PPP1R16B: variants seen among roughly 807,000 people sequenced by gnomAD.
The protein encoded by PPP1R16B is protein phosphatase 1 regulatory subunit 16B, also known as protein phosphatase 1 regulatory inhibitor subunit 16B.
PPP1R16B carries 14 observed loss-of-function variants against 61.7 expected under a neutral mutation model. The ratio of observed to expected loss-of-function variants is 0.23; its 90% CI spans 0.15 to 0.35. The LOEUF is 0.35. PPP1R16B is among the 10% of genes least tolerant of loss of function. PPP1R16B has a pLI of 1.00. For synonymous variants in PPP1R16B, 266 were observed against 305.3 expected, an observed-to-expected ratio of 0.87 and a Z score of 1.34; for missense variants, 547 against 752.5, an observed-to-expected ratio of 0.73 and a Z score of 3.19.
At chr20:38,825,042 T>C (rs2084797188) in intron 1 of PPP1R16B, among the ~76,000 whole-genome samples, 2 of 152,258 alleles carry the variant, frequency 1.3e-5, no homozygotes, top group Non-Finnish European at 2.9e-5. Flanking sequence ...AGAATATCCC[T>C]GGCTAAAGGG....
At chr20:38,882,179 C>G (rs398230) in intron 2 of PPP1R16B, among the ~76,000 whole-genome samples, 1 of 152,176 alleles carries the variant, frequency 6.6e-6, no homozygotes, top group South Asian at 2.1e-4. Flanking sequence ...AGCAAGGGCA[C>G]AGGGCAGAGA....
At chr20:38,873,692 C>G (rs1337322611) in intron 2 of PPP1R16B, among the ~76,000 whole-genome samples, 2 of 152,006 alleles carry the variant, frequency 1.3e-5, no homozygotes, top group Non-Finnish European at 2.9e-5. Context: ...GCTGGCTTTC[C>G]CAGAACAGGT....
At position 38,889,758 on chromosome 20, in the gene PPP1R16B, G is replaced by C. The variant is rs891171520; in HGVS notation, c.321+93G>C. The C allele has an allele frequency of 8.3e-6, 11 of 1,317,864 alleles. No individual in the cohort carries two copies. The African/African-American group carries it at 1.5e-4, about 17-fold the overall frequency. The allele number at this position is 1,317,864 out of a possible 1,614,324, so 81.6% of individuals were successfully genotyped here. On this transcript the variant is annotated intron_variant, in intron 3 of 10. Coordinates refer to ENST00000299824, the MANE Select transcript of PPP1R16B (RefSeq NM_015568.4). ...GCACTTTCCTGCTCAGAACCCTCAG[G>C]GAGGAGGGAATGAGGGAGGGAGGAG...
intron 2 of PPP1R16B, among the ~76,000 whole-genome samples, chr20:38,847,537 A>G (rs2084942860): frequency 6.6e-6 from 1 of 152,118 alleles, no homozygotes; most frequent in South Asian, 2.1e-4. Context: ...TTGTATTTTT[A>G]GTAGAGATGG....
chr20:38,914,319 G>A lies in PPP1R16B; in HGVS notation c.1195-3838G>A, dbSNP rs747786413. The stretch of plus-strand genomic sequence containing the variant: ...TAGGAAAAGGAGGGGTCGTCTGAGC[G>A]TTCTGGAAATCCTATGGGGAAGGGT... On this transcript the variant is annotated intron_variant, in intron 10 of 10. Coordinates refer to ENST00000299824, the MANE Select transcript of PPP1R16B (RefSeq NM_015568.4). 3.4e-4 allele frequency among the ~76,000 whole-genome samples: 51 copies of A among 152,172 alleles called. 1 individual carries two copies. The highest frequency in any genetic ancestry group is 1.9e-4 in the East Asian group (1 of 5,194).
intron 2 of PPP1R16B, among the ~76,000 whole-genome samples, chr20:38,853,600 G>T (rs2084983494): frequency 6.6e-6 from 1 of 152,242 alleles, no homozygotes; most frequent in Non-Finnish European, 1.5e-5. Flanking sequence ...TCAAGAGCTA[G>T]ACTGTAATCA....
At chr20:38,883,518 G>T (rs1308556219) in intron 2 of PPP1R16B, among the ~76,000 whole-genome samples, 4 of 152,268 alleles carry the variant, frequency 2.6e-5, no homozygotes, top group Admixed American at 2.0e-4. Flanking sequence ...GAGCAGCGGG[G>T]TCGGCGCCAG....
In PPP1R16B at chr20:38,852,747, CTTTTTTTTTTT is replaced by C. The variant is rs1185726609; in HGVS notation, c.250+16583_250+16593del. 8.9e-4 allele frequency among the ~76,000 whole-genome samples: 28 copies of C among 31,520 alleles called. 1 individual carries two copies. The East Asian group carries it at 0.028, about 31-fold the overall frequency. 20.7% of individuals were successfully genotyped at this position (31,520 alleles called of 152,430 possible). A position where few individuals can be genotyped will look rare whatever the true frequency, so the allele number is the denominator to read the frequency against. ...CTTGGCTTCTAGGGACCACTGTTTC[CTTTTTTTTTTT>C]TTTTTTTTTTGCGGGGGGTGGGGGT... On this transcript the variant is annotated intron_variant, in intron 2 of 10. Transcript: ENST00000299824.
Position 38,918,312 on chromosome 20 carries a change from G to T in PPP1R16B, c.1350G>T (p.Val450=), listed in dbSNP as rs760033900. The part of the protein sequence containing the change: ...ANGDVWKVHE[V]PDYSMAYGNP... ...GGGATGTCTGGAAGGTGCATGAGGTGCCTGACTACAGCATGGCCTATGGCA... is the reference window on the plus strand; with the variant it reads ...GGGATGTCTGGAAGGTGCATGAGGTTCCTGACTACAGCATGGCCTATGGCA... Residue 450 remains valine (V), a synonymous_variant, in exon 11 of 11, where the codon GTG becomes GTT. Transcript: ENST00000299824. The surrounding 1 kb of genome is among the most constrained non-coding windows in gnomAD (Gnocchi z 5.3). 1.2e-6 allele frequency: 2 copies of T among 1,614,202 alleles called. No individual in the cohort carries two copies. Among genetic ancestry groups the T allele is most frequent in the South Asian group, 1.1e-5 (1 of 91,092 alleles).
At chr20:38,843,767 C>CA (rs200109402) in intron 2 of PPP1R16B, among the ~76,000 whole-genome samples, 3,867 of 144,876 alleles carry the variant, frequency 0.027, 85 homozygotes, top group Admixed American at 0.072. Context: ...TTTTTCAAAA[C>CA]AAAAAAAAAA....
intron 1 of PPP1R16B, among the ~76,000 whole-genome samples, chr20:38,829,665 C>T (rs1367320474): frequency 1.3e-5 from 2 of 152,248 alleles, no homozygotes; most frequent in African/African-American, 4.8e-5. Flanking sequence ...ACAAGGAGGA[C>T]AGTCTGCAGC....
At chr20:38,855,288 A>G (rs957737755) in intron 2 of PPP1R16B, among the ~76,000 whole-genome samples, 5 of 151,808 alleles carry the variant, frequency 3.3e-5, no homozygotes, top group African/African-American at 1.2e-4. Flanking sequence ...CTTTGGAGGG[A>G]CCCTAATTAA....
intron 5 of PPP1R16B, among the ~76,000 whole-genome samples, chr20:38,901,916 C>G (rs1252579243): frequency 6.6e-6 from 1 of 152,180 alleles, no homozygotes; most frequent in Non-Finnish European, 1.5e-5. Flanking sequence ...GTGGGTTTTG[C>G]TTACATTCTA....
intron 2 of PPP1R16B, among the ~76,000 whole-genome samples, chr20:38,861,594 C>G (rs113692895): frequency 1.2e-4 from 18 of 152,152 alleles, no homozygotes; most frequent in African/African-American, 3.4e-4. Context: ...TCTTCCCCCC[C>G]ACCCTTCAGC....
At chr20:38,901,669 C>T (rs2085394978) in intron 5 of PPP1R16B, among the ~76,000 whole-genome samples, 1 of 152,202 alleles carries the variant, frequency 6.6e-6, no homozygotes, top group African/African-American at 2.4e-5. Flanking sequence ...CTCAGCCTCC[C>T]AAATTTCTGG....
At chr20:38,913,285 A>T (rs1482494443) in intron 10 of PPP1R16B, among the ~76,000 whole-genome samples, 1 of 151,016 alleles carries the variant, frequency 6.6e-6, no homozygotes, top group Non-Finnish European at 1.5e-5. Flanking sequence ...TTTTTTTTAG[A>T]TGGAATCTTG....
rs73112085 is a variant in PPP1R16B at position 38,827,312 on chromosome 20, C to T, written c.-101-8513C>T. Among the ~76,000 whole-genome samples, 329 of 152,306 alleles carry T rather than the reference C, an allele frequency of 2.2e-3. 1 individual carries two copies. The highest frequency in any genetic ancestry group is 6.4e-3 in the South Asian group (31 of 4,816). On this transcript the variant is annotated intron_variant, in intron 1 of 10. Coordinates refer to ENST00000299824, the MANE Select transcript of PPP1R16B (RefSeq NM_015568.4). ...CCAGTTCAGACAGAGGTCAGTAGGT[C>T]TGTTATTGTTCCACTGCTGGACATG...
At chr20:38,816,574 G>C (rs1285277244) in intron 1 of PPP1R16B, among the ~76,000 whole-genome samples, 2 of 152,192 alleles carry the variant, frequency 1.3e-5, no homozygotes, top group Non-Finnish European at 2.9e-5. Flanking sequence ...GACCCACCTG[G>C]GGGGAACCAA....
chr20:38,838,299 C>A (rs2084885887), intron 2 of PPP1R16B: 1 of 152,364 alleles, frequency 6.6e-6, no homozygotes, highest in Admixed American at 6.5e-5. Context: ...TTCCTGGGTC[C>A]CTGCACACAC....
Sources: allele counts gnomAD v4.1 joint callset (sites outside exome capture counted in the v4.1 genomes callset), GRCh38; gene constraint gnomAD v4.1.1; non-coding constraint Gnocchi (gnomAD v3.1); transcripts MANE v1.5; gene names NCBI Gene and HGNC (gene_info 2026-07-23, HGNC 2026-07-21).